The following INSL6 variants were observed in gnomAD, a reference collection of about 807,000 sequenced individuals.
INSL6 encodes the protein insulin-like peptide INSL6.
INSL6 carries 16 observed loss-of-function variants against 9.4 expected under a neutral mutation model. The observed-to-expected ratio is 1.70, with a 90% confidence interval of 1.15 to 2.59. INSL6 has a LOEUF of 2.59. Among genes scored for constraint, INSL6 ranks in the 30% most tolerant of loss-of-function variants. The pLI is 0.00. For synonymous variants in INSL6, 154 were observed against 96.9 expected (o/e 1.59, Z -3.46); for missense variants, 391 against 257.3 (o/e 1.52, Z -3.56).
intron 1 of INSL6, among the ~76,000 whole-genome samples, chr9:5,174,196 A>G (rs536788974): frequency 5.3e-5 from 8 of 152,162 alleles, no homozygotes; most frequent in Non-Finnish European, 1.0e-4. Context: ...AAACACACAC[A>G]CAAACCCAAA....
the INSL6 span, among the ~76,000 whole-genome samples, chr9:5,078,056 G>A: frequency 2.0e-5 from 3 of 152,254 alleles, no homozygotes; most frequent in Admixed American, 2.0e-4. Flanking sequence ...GTCAGCCTTA[G>A]AACTCATGTG....
the INSL6 span, among the ~76,000 whole-genome samples, chr9:5,009,393 G>A: frequency 6.6e-6 from 1 of 152,050 alleles, no homozygotes. Flanking sequence ...GAGCAGCACA[G>A]GAACACTATG....
chr9:5,066,814 G>A, the INSL6 span: 4 of 1,042,726 alleles, frequency 3.8e-6, no homozygotes, highest in East Asian at 2.6e-5. Flanking sequence ...CTTATTAGTG[G>A]TAACACTTTA....
the INSL6 span, among the ~76,000 whole-genome samples, chr9:5,048,829 G>C: frequency 6.6e-6 from 1 of 152,180 alleles, no homozygotes; most frequent in Non-Finnish European, 1.5e-5. Flanking sequence ...GAGAAATACA[G>C]ATGTAGAGTA....
At chr9:5,116,609 G>T in the INSL6 span, among the ~76,000 whole-genome samples, 5 of 152,148 alleles carry the variant, frequency 3.3e-5, no homozygotes, top group African/African-American at 1.2e-4. Context: ...AAGATTCAGA[G>T]ATTTGGTTAT....
the INSL6 span, among the ~76,000 whole-genome samples, chr9:5,047,845 C>T: frequency 6.6e-6 from 1 of 152,070 alleles, no homozygotes; most frequent in East Asian, 1.9e-4. Context: ...AAATGATCCT[C>T]CTACCTCAGC....
chr9:5,151,145 C>G (rs539103447), intron 2 of INSL6, among the ~76,000 whole-genome samples: 1 of 152,176 alleles, frequency 6.6e-6, no homozygotes, highest in African/African-American at 2.4e-5. Flanking sequence ...GTACACTATT[C>G]ATGTGATGGT....
At chr9:5,128,280 T>G in intron 3 of INSL6, 1 of 228,074 alleles carries the variant, frequency 4.4e-6, no homozygotes, top group East Asian at 6.2e-5. Flanking sequence ...TTTACATTCA[T>G]TATTATACTT....
the INSL6 span, among the ~76,000 whole-genome samples, chr9:5,087,421 T>A: frequency 6.6e-6 from 1 of 152,136 alleles, no homozygotes; most frequent in Non-Finnish European, 1.5e-5. Context: ...GTGGGGATTA[T>A]GGGGTTTACA....
the INSL6 span, chr9:5,114,451 A>C: frequency 2.1e-6 from 1 of 476,962 alleles, no homozygotes; most frequent in Non-Finnish European, 4.2e-6. Flanking sequence ...ACCCACACCC[A>C]CCTGCAGTCC....
the INSL6 span, among the ~76,000 whole-genome samples, chr9:5,071,209 C>T: frequency 2.6e-5 from 4 of 152,166 alleles, no homozygotes; most frequent in Non-Finnish European, 1.5e-5. Context: ...TTCGGAACCA[C>T]ATACTCTTAA....
chr9:5,165,846 C>A (rs1286509343), intron 1 of INSL6, among the ~76,000 whole-genome samples: 2 of 152,094 alleles, frequency 1.3e-5, no homozygotes, highest in East Asian at 1.9e-4. Flanking sequence ...ATCTACAGTA[C>A]CTTCTAGGAG....
the INSL6 span, chr9:5,097,370 G>T: frequency 6.6e-6 from 1 of 152,112 alleles, no homozygotes; most frequent in South Asian, 2.1e-4. Flanking sequence ...TGATTCTTTG[G>T]TCACCCTGAA....
the INSL6 span, among the ~76,000 whole-genome samples, chr9:5,053,278 G>A: frequency 1.3e-5 from 2 of 152,040 alleles, no homozygotes; most frequent in African/African-American, 4.8e-5. Context: ...GCCTTCTGTA[G>A]AGAAGTGTCT....
chr9:5,065,161 C>T, the INSL6 span: 2 of 546,312 alleles, frequency 3.7e-6, no homozygotes, highest in Non-Finnish European at 2.9e-6. Flanking sequence ...TTTTTTTAAA[C>T]AAAAGGCTAT....
At chr9:5,116,653 A>C in the INSL6 span, among the ~76,000 whole-genome samples, 1 of 152,212 alleles carries the variant, frequency 6.6e-6, no homozygotes, top group African/African-American at 2.4e-5. Flanking sequence ...ATATTTATTA[A>C]GACTCTACTG....
chr9:5,104,085 G>A, the INSL6 span, among the ~76,000 whole-genome samples: 5 of 152,074 alleles, frequency 3.3e-5, no homozygotes, highest in Admixed American at 2.0e-4. Flanking sequence ...AACTGAAGGA[G>A]ATAGAGACAC....
chr9:5,147,141 C>G (rs1450257936), intron 2 of INSL6, among the ~76,000 whole-genome samples: 1 of 152,124 alleles, frequency 6.6e-6, no homozygotes, highest in Non-Finnish European at 1.5e-5. Context: ...AGTTGCTGCT[C>G]TACCACTCTG....
chr9:4,994,603 A>G, the INSL6 span, among the ~76,000 whole-genome samples: 1 of 152,326 alleles, frequency 6.6e-6, no homozygotes, highest in South Asian at 2.1e-4. Context: ...CACCTACTCA[A>G]TTCCGCCTTT....
Sources: gnomAD v4.1 joint callset for allele counts (sites outside exome capture counted in the v4.1 genomes callset) on GRCh38, gnomAD v4.1.1 for gene constraint, MANE v1.5 for transcripts, NCBI Gene and HGNC (gene_info 2026-07-23, HGNC 2026-07-21) for gene names.